Variants in PRKN observed in about 807,000 individuals in gnomAD.
The protein encoded by PRKN is parkin RBR E3 ubiquitin protein ligase.
Under a neutral mutation model 59.5 loss-of-function variants are expected in PRKN, and 56 were observed. That is an observed-to-expected ratio of 0.94 (90% CI 0.76 to 1.18). The LOEUF (loss-of-function observed/expected upper bound fraction) is 1.18, where lower values mean the gene tolerates loss of function less well. Ranked by LOEUF, PRKN falls within the 50% of genes most tolerant of loss-of-function variation. PRKN has a pLI of 0.00. For synonymous variants in PRKN, 250 were observed against 222.1 expected, an observed-to-expected ratio of 1.13 and a Z score of -1.12; for missense variants, 657 against 596.4, an observed-to-expected ratio of 1.10 and a Z score of -1.06.
intron 2 of PRKN, among the ~76,000 whole-genome samples, chr6:162,267,420 T>C (rs999420684): frequency 7.2e-5 from 11 of 152,110 alleles, no homozygotes; most frequent in African/African-American, 2.4e-4. Context: ...TCTCCTAGTA[T>C]ACAAAAAAAT....
At chr6:161,818,532 C>T (rs1170703163) in intron 6 of PRKN, among the ~76,000 whole-genome samples, 9 of 151,830 alleles carry the variant, frequency 5.9e-5, no homozygotes, top group Admixed American at 5.3e-4. Context: ...TAGGATCTTG[C>T]TATGTTGCCC....
At chr6:161,951,601 T>A (rs1779991967) in intron 6 of PRKN, among the ~76,000 whole-genome samples, 1 of 152,170 alleles carries the variant, frequency 6.6e-6, no homozygotes, top group Admixed American at 6.5e-5. Context: ...AGTTTGGTTG[T>A]GTTCCTATCT....
intron 7 of PRKN, among the ~76,000 whole-genome samples, chr6:161,729,395 T>C (rs917712306): frequency 3.2e-4 from 49 of 152,182 alleles, no homozygotes; most frequent in African/African-American, 1.1e-3. Context: ...TTTTTGCGCA[T>C]GTGTGTAAAG....
Position 161,549,104 on chromosome 6 carries a change from C to T in PRKN, c.934-101G>A. 7.4e-7 allele frequency: 1 copy of T among 1,344,110 alleles called. No individual in the cohort carries two copies. The highest frequency in any genetic ancestry group is 1.1e-6 in the Non-Finnish European group (1 of 947,068). The allele number at this position is 1,344,110 out of a possible 1,614,324, so 83.3% of individuals were successfully genotyped here. ...ATGGGATTTCTTGCTTAACCAGTTT[C>T]AGTAAAATAATGCATGTGTGTGTGT... On this transcript the variant is annotated intron_variant, in intron 8 of 11. Transcript: ENST00000366898. The surrounding 1 kb of genome is among the most constrained non-coding windows in gnomAD (Gnocchi z 6.0).
chr6:161,975,404 G>T (rs995465660), intron 5 of PRKN, among the ~76,000 whole-genome samples: 6 of 152,100 alleles, frequency 3.9e-5, no homozygotes, highest in Non-Finnish European at 8.8e-5. Context: ...CTTCTTAAGT[G>T]AAAAACAATA....
At chr6:161,859,201 G>A (rs1011530144) in intron 6 of PRKN, among the ~76,000 whole-genome samples, 13 of 151,936 alleles carry the variant, frequency 8.6e-5, no homozygotes, top group African/African-American at 2.9e-4. Flanking sequence ...TAAGGCTTCC[G>A]TAAGAGTTTT....
intron 6 of PRKN, among the ~76,000 whole-genome samples, chr6:161,913,694 C>T (rs1217253418): frequency 6.6e-6 from 1 of 152,162 alleles, no homozygotes; most frequent in Non-Finnish European, 1.5e-5. Flanking sequence ...ATGATATACT[C>T]AAGGATACAG....
rs1780244005 is a variant in PRKN at position 162,107,558 on chromosome 6, C to A, written c.535-53384G>T. Among the ~76,000 whole-genome samples, 3 of 152,306 alleles carry A rather than the reference C, an allele frequency of 2.0e-5. No individual in the cohort carries two copies. The South Asian group carries it at 6.2e-4, about 32-fold the overall frequency. Reference sequence around the variant, plus strand: ...TAAATGAGAGAGAACAGAAGAGTTTCTCATTTTGGAGATTAAAGCATGGCC... The same window carrying A: ...TAAATGAGAGAGAACAGAAGAGTTTATCATTTTGGAGATTAAAGCATGGCC... On this transcript the variant is annotated intron_variant, in intron 4 of 11. Coordinates refer to ENST00000366898, the MANE Select transcript of PRKN (RefSeq NM_004562.3).
chr6:162,055,609 C>T (rs1438501108), intron 4 of PRKN, among the ~76,000 whole-genome samples: 2 of 152,032 alleles, frequency 1.3e-5, no homozygotes, highest in Non-Finnish European at 1.5e-5. Context: ...GGGAGGGTGG[C>T]ATCAAGGGCT....
Position 161,849,306 on chromosome 6 carries a change from G to A in PRKN, c.735-63398C>T, listed in dbSNP as rs576016359. On this transcript the variant is annotated intron_variant, in intron 6 of 11. Coordinates refer to ENST00000366898, the MANE Select transcript of PRKN (RefSeq NM_004562.3). Reference sequence around the variant, plus strand: ...TGTTGTACCTGCCAACATTTCAACTGTTTTAGAATTCTTTTTTGTCTTAAT... The same window carrying A: ...TGTTGTACCTGCCAACATTTCAACTATTTTAGAATTCTTTTTTGTCTTAAT... Among the ~76,000 whole-genome samples the A allele has an allele frequency of 1.2e-3, 183 of 152,200 alleles. 1 individual carries two copies. Among genetic ancestry groups the A allele is most frequent in the Non-Finnish European group, 1.8e-3 (120 of 68,014 alleles).
chr6:161,821,643 G>C (rs1313053029), intron 6 of PRKN, among the ~76,000 whole-genome samples: 1 of 148,054 alleles, frequency 6.8e-6, no homozygotes, highest in Non-Finnish European at 1.5e-5. Flanking sequence ...TAGTACAGGA[G>C]AGAACTTACA....
In PRKN at chr6:161,575,823, T is replaced by C. The variant is rs137878677; in HGVS notation, c.872-6407A>G. On this transcript the variant is annotated intron_variant, in intron 7 of 11. Coordinates refer to ENST00000366898, the MANE Select transcript of PRKN (RefSeq NM_004562.3). This position sits in a 1 kb window ranked among gnomAD's most constrained non-coding sequence, Gnocchi z 4.6. ...AGAATCCCTAATGTGGGCTTGACAA[T>C]TACAGTGACCTTCTATTTCCCCCCT... Among the ~76,000 whole-genome samples, 413 of 152,310 alleles carry C rather than the reference T, an allele frequency of 2.7e-3. 1 individual carries two copies. Among genetic ancestry groups the C allele is most frequent in the African/African-American group, 9.5e-3 (397 of 41,572 alleles).
chr6:162,654,308 T>G (rs899510616), intron 1 of PRKN, among the ~76,000 whole-genome samples: 3 of 152,216 alleles, frequency 2.0e-5, no homozygotes, highest in African/African-American at 7.2e-5. Context: ...TATCATCCTA[T>G]GAGATGCATA....
intron 1 of PRKN, among the ~76,000 whole-genome samples, chr6:162,574,813 GTTTTAATA>G (rs1554247363): frequency 1.1e-4 from 15 of 130,712 alleles, no homozygotes; most frequent in Non-Finnish European, 2.5e-4. Flanking sequence ...GTATTTTGTT[GTTTTAATA>G]TGAACTTGCT....
At chr6:162,482,451 T>G (rs1792351958) in intron 1 of PRKN, among the ~76,000 whole-genome samples, 1 of 152,178 alleles carries the variant, frequency 6.6e-6, no homozygotes, top group Non-Finnish European at 1.5e-5. Flanking sequence ...GAGTTATGTA[T>G]ATGTCAAAAC....
intron 3 of PRKN, among the ~76,000 whole-genome samples, chr6:162,227,296 GTT>G (rs537121147): frequency 3.2e-4 from 48 of 152,002 alleles, no homozygotes; most frequent in African/African-American, 1.1e-3. Context: ...GAAAATAAGG[GTT>G]TTTTTCCCCC....
intron 2 of PRKN, among the ~76,000 whole-genome samples, chr6:162,299,503 G>A (rs1781843709): frequency 6.6e-6 from 1 of 152,092 alleles, no homozygotes; most frequent in African/African-American, 2.4e-5. Flanking sequence ...AGTGAATAAA[G>A]TCACTGGAAG....
intron 7 of PRKN, among the ~76,000 whole-genome samples, chr6:161,604,913 C>T (rs779120038): frequency 2.0e-5 from 3 of 151,806 alleles, no homozygotes; most frequent in Non-Finnish European, 2.9e-5. Context: ...CCAGCCTGGG[C>T]GACAAGTGAG....
chr6:161,944,686 A>G (rs891347914), intron 6 of PRKN, among the ~76,000 whole-genome samples: 6 of 152,230 alleles, frequency 3.9e-5, no homozygotes, highest in African/African-American at 1.4e-4. Context: ...TATCTAAATA[A>G]AAGGTGAAAG....
Sources: gnomAD v4.1 joint callset for allele counts (sites outside exome capture counted in the v4.1 genomes callset) on GRCh38, gnomAD v4.1.1 for gene constraint, Gnocchi (gnomAD v3.1) non-coding constraint, MANE v1.5 for transcripts, NCBI Gene and HGNC (gene_info 2026-07-23, HGNC 2026-07-21) for gene names.